TBX10: variants seen among roughly 807,000 people sequenced by gnomAD.
TBX10 encodes T-box transcription factor 10, also known as T-box transcription factor TBX10.
Under a neutral mutation model 32.4 loss-of-function variants are expected in TBX10, and 26 were observed. The ratio of observed to expected loss-of-function variants is 0.80; its 90% CI spans 0.59 to 1.11. The LOEUF (loss-of-function observed/expected upper bound fraction) is 1.11. Ranked by LOEUF, TBX10 falls within the 50% of genes most tolerant of loss-of-function variation. The pLI is 0.00. For synonymous variants in TBX10, 195 were observed against 203.1 expected (o/e 0.96, Z 0.34); for missense variants, 490 against 494.5 (o/e 0.99, Z 0.09).
At chr11:67,635,336 A>G (rs754499609) in intron 1 of TBX10, 73 bp from the exon 2 acceptor site, 1 of 1,600,204 alleles carries the variant, frequency 6.2e-7, no homozygotes, top group Non-Finnish European at 8.5e-7. Flanking sequence ...CTGCACCTAT[A>G]TGCCTCTTCC....
intron 7 of TBX10, 88 bp downstream of exon 7, chr11:67,632,230 G>T: frequency 6.7e-7 from 1 of 1,482,326 alleles, no homozygotes; most frequent in Non-Finnish European, 9.4e-7. Context: ...CTGAGCTGCT[G>T]AAGCCCCTTC....
chr11:67,635,013 G>C lies in TBX10; in HGVS notation c.258C>G (p.Ile86Met). The C allele has an allele frequency of 6.2e-7, 1 of 1,613,634 alleles. No individual in the cohort carries two copies. The highest frequency in any genetic ancestry group is 8.5e-7 in the Non-Finnish European group (1 of 1,180,024). Residue 86 changes from isoleucine to methionine, a missense_variant, in exon 2 of 8, where the codon ATC (isoleucine) becomes ATG (methionine). Coordinates refer to ENST00000335385, the MANE Select transcript of TBX10 (RefSeq NM_005995.5). ...GCTCACACCTGCCTGCCTTGGTGAC[G>C]ATCATCTCAGTGCCCAGCTGGTTGA... is the stretch of plus-strand genomic sequence containing the variant. ...EEFNQLGTEM[I>M]VTKAGRRMFP...
At chr11:67,633,834 A>C (rs1222795496) in intron 4 of TBX10, among the ~76,000 whole-genome samples, 2 of 152,134 alleles carry the variant, frequency 1.3e-5, no homozygotes, top group Admixed American at 6.5e-5. Context: ...TTGCCCCAGG[A>C]AGTGACCTCT....
chr11:67,635,404 A>C, intron 1 of TBX10, 141 bp from the exon 2 acceptor site: 1 of 1,243,526 alleles, frequency 8.0e-7, no homozygotes, highest in Non-Finnish European at 1.1e-6. Context: ...CCCACTCAGC[A>C]TCACTCTGTG....
rs756186418 is a variant in TBX10 at position 67,634,205 on chromosome 11, A to G, written c.533T>C (p.Leu178Pro). The stretch of plus-strand genomic sequence containing the variant: ...CGGCCTCACGTGGCCATTGTCATCC[A>G]GCAGGTTGTTGGTCAGCTTGAGCTT... ...FDKLKLTNNL[L>P]DDNGHIILNS... is the part of the protein sequence containing the mutation. The change falls in exon 4 of 8, where the codon CTG (leucine) becomes CCG (proline). Residue 178 changes from leucine (L) to proline (P), a missense_variant. Transcript: ENST00000335385. The G allele has an allele frequency of 7.4e-6, 12 of 1,613,012 alleles. No homozygotes were observed. The highest frequency in any genetic ancestry group is 9.3e-6 in the Non-Finnish European group (11 of 1,179,980).
At chr11:67,633,883 A>G (rs1027112467) in intron 4 of TBX10, among the ~76,000 whole-genome samples, 1 of 152,186 alleles carries the variant, frequency 6.6e-6, no homozygotes, top group Non-Finnish European at 1.5e-5. Context: ...CCAAGTGTTA[A>G]TGATGCTGTG....
chr11:67,634,760 A>C, intron 3 of TBX10, 56 bp downstream of exon 3: 1 of 1,563,950 alleles, frequency 6.4e-7, no homozygotes, highest in Non-Finnish European at 8.8e-7. Flanking sequence ...GGAAGGGTCT[A>C]ATTCCTGGTC....
At chr11:67,633,718 T>A (rs939152180) in intron 4 of TBX10, among the ~76,000 whole-genome samples, 1 of 152,202 alleles carries the variant, frequency 6.6e-6, no homozygotes, top group Non-Finnish European at 1.5e-5. Flanking sequence ...CTGCGCCCCC[T>A]GAGAGCAGCA....
chr11:67,639,393 T>TTCCCCCCCGCCC, intron 1 of TBX10, 73 bp downstream of exon 1: 1 of 726,926 alleles, frequency 1.4e-6, no homozygotes, highest in Non-Finnish European at 2.5e-6. Flanking sequence ...CTGTCTTGGT[T>TTCCCCCCCGCCC]CCCACCCTGC....
intron 1 of TBX10, 64 bp downstream of exon 1, chr11:67,639,402 G>GCCCCCCCCCCCCCC: frequency 1.0e-5 from 3 of 288,590 alleles, no homozygotes; most frequent in Non-Finnish European, 1.4e-5. Context: ...TTCCCACCCT[G>GCCCCCCCCCCCCCC]CCCACCCACC....
chr11:67,641,090 A>G (rs971825294), upstream of TBX10, among the ~76,000 whole-genome samples: 1 of 151,980 alleles, frequency 6.6e-6, no homozygotes, highest in Admixed American at 6.5e-5. Flanking sequence ...AACAAGGTGT[A>G]GTCATCTGCC....
At chr11:67,634,680 T>A in intron 3 of TBX10, 136 bp downstream of exon 3, 2 of 994,018 alleles carry the variant, frequency 2.0e-6, no homozygotes, top group Non-Finnish European at 3.1e-6. Flanking sequence ...GTTGCGTGTC[T>A]GTCGTCCTGC....
intron 1 of TBX10, among the ~76,000 whole-genome samples, 186 bp downstream of exon 1, chr11:67,639,280 A>G (rs1324748466): frequency 6.6e-6 from 1 of 152,046 alleles, no homozygotes; most frequent in African/African-American, 2.4e-5. Context: ...CATCTCCCAT[A>G]ATTGCACTTG....
upstream of TBX10, among the ~76,000 whole-genome samples, chr11:67,641,331 A>C (rs569545915): frequency 9.8e-5 from 15 of 152,328 alleles, no homozygotes; most frequent in East Asian, 2.9e-3. Flanking sequence ...GCACGCAGAC[A>C]CACGGATGAA....
intron 3 of TBX10, 27 bp from the exon 4 acceptor site, chr11:67,634,387 G>C: frequency 6.3e-7 from 1 of 1,599,160 alleles, no homozygotes; most frequent in Non-Finnish European, 8.5e-7. Context: ...GGTGGTGAGG[G>C]CTTCCCCAAC....
intron 1 of TBX10, among the ~76,000 whole-genome samples, chr11:67,638,620 G>C (rs1026660649): frequency 2.0e-5 from 3 of 152,228 alleles, no homozygotes; most frequent in African/African-American, 7.2e-5. Context: ...GCTCTTAGTA[G>C]GTGCCTGGGG....
Position 67,634,281 on chromosome 11 carries a change from CG to C in TBX10, c.456del (p.Asp153ThrfsTer21). ...PATPGRVHFH[P>X]DSPAKGAQWM... ...CACTGGGCACCCTTGGCTGGCGAGT[CG>C]GGGTGGAAGTGCACGCGGCCAGGTG... On this transcript the variant is annotated frameshift_variant, in exon 4 of 8. Transcript: ENST00000335385. LOFTEE classifies it high-confidence loss of function. The C allele has an allele frequency of 6.2e-7, 1 of 1,612,516 alleles. No individual in the cohort carries two copies. The highest frequency in any genetic ancestry group is 1.1e-5 in the South Asian group (1 of 91,086).
chr11:67,639,393 T>TTCCCCCCCCCCCCCCCCCC, intron 1 of TBX10, 73 bp downstream of exon 1: 5 of 726,902 alleles, frequency 6.9e-6, no homozygotes, highest in Non-Finnish European at 1.2e-5. Flanking sequence ...CTGTCTTGGT[T>TTCCCCCCCCCCCCCCCCCC]CCCACCCTGC....
rs1855228960 is a variant in TBX10, at chr11:67,631,450, G to GC, written c.*154dup. The GC allele has an allele frequency of 1.0e-6, 1 of 961,240 alleles. No homozygotes were observed. The highest frequency in any genetic ancestry group is 1.6e-5 in the South Asian group (1 of 63,302). The allele number at this position is 961,240 out of a possible 1,614,324, so 59.5% of individuals were successfully genotyped here. A position where few individuals can be genotyped will look rare whatever the true frequency, so the allele number is the denominator to read the frequency against. ...CCAAGCTTGCCATGGTCCCAGCCTTGCTGTGACCCTGGGCAGGTAGCCTCT... is the reference window on the plus strand; with the variant it reads ...CCAAGCTTGCCATGGTCCCAGCCTTGCCTGTGACCCTGGGCAGGTAGCCTCT... On this transcript the variant is annotated 3_prime_UTR_variant, in exon 8 of 8. Transcript: ENST00000335385.
Sources: allele counts gnomAD v4.1 joint callset (sites outside exome capture counted in the v4.1 genomes callset), GRCh38; gene constraint gnomAD v4.1.1; transcripts MANE v1.5; gene names NCBI Gene and HGNC (gene_info 2026-07-23, HGNC 2026-07-21).